PLG: variants seen among roughly 807,000 people sequenced by gnomAD.
PLG encodes plasminogen, also known as plasmin.
PLG carries 41 observed loss-of-function variants against 104.4 expected under a neutral mutation model. The ratio of observed to expected loss-of-function variants is 0.39; its 90% CI spans 0.31 to 0.51. The LOEUF is 0.51. Ranked by LOEUF, PLG falls within the 20% of genes least tolerant of loss-of-function variation. The pLI is 0.76. For missense variants in PLG, 891 were observed against 1,003.6 expected (o/e 0.89, Z 1.52); for synonymous variants, 337 against 357.1 (o/e 0.94, Z 0.63).
chr6:160,744,899 A>G lies in PLG; in HGVS notation c.2125+3482A>G, dbSNP rs998888921. Among the ~76,000 whole-genome samples, 3 of 152,084 alleles carry G rather than the reference A, an allele frequency of 2.0e-5. No individual in the cohort carries two copies. The highest frequency in any genetic ancestry group is 4.8e-5 in the African/African-American group (2 of 41,410). On this transcript the variant is annotated intron_variant, in intron 17 of 18. Coordinates refer to ENST00000308192, the MANE Select transcript of PLG (RefSeq NM_000301.5). This position sits in a 1 kb window ranked among gnomAD's most constrained non-coding sequence, Gnocchi z 4.5. Reference sequence around the variant, plus strand: ...AAAGAACTTCCTGATTTCTGCCATAATTTCATTATTCACCCAAAAGTCATT... The same window carrying G: ...AAAGAACTTCCTGATTTCTGCCATAGTTTCATTATTCACCCAAAAGTCATT...
At chr6:160,715,048 C>T in intron 6 of PLG, 134 bp downstream of exon 6, 1 of 874,722 alleles carries the variant, frequency 1.1e-6, no homozygotes, top group Non-Finnish European at 1.8e-6. Flanking sequence ...AAGCTAACCT[C>T]CTCCCACAAT....
chr6:160,750,581 A>C (rs919465105), intron 17 of PLG, among the ~76,000 whole-genome samples: 4 of 152,208 alleles, frequency 2.6e-5, no homozygotes, highest in African/African-American at 7.2e-5. Context: ...AGTCAAGAGG[A>C]GCTTCCTCCC....
intron 9 of PLG, 56 bp from the exon 10 acceptor site, chr6:160,722,352 C>T: frequency 7.4e-7 from 1 of 1,360,064 alleles, no homozygotes; most frequent in African/African-American, 1.4e-5. Context: ...TAAATTGCTT[C>T]ATGCTTCTTT....
In PLG at chr6:160,713,132, A is replaced by G. The variant is rs375717096; in HGVS notation, c.547+7A>G. On this transcript the variant is annotated splice_region_variant and intron_variant, in intron 5 of 18. Transcript: ENST00000308192. The stretch of plus-strand genomic sequence containing the variant: ...GACATTCTTGAGTGTGAAGGTCAGG[A>G]GTGGTTCTAGAAAATGTTTTCATTT... 31 of 1,607,266 alleles carry G rather than the reference A, an allele frequency of 1.9e-5. No individual in the cohort carries two copies. Among genetic ancestry groups the G allele is most frequent in the Non-Finnish European group, 2.0e-5 (24 of 1,175,640 alleles).
chr6:160,714,270 A>T (rs1777694328), intron 5 of PLG, among the ~76,000 whole-genome samples: 1 of 152,248 alleles, frequency 6.6e-6, no homozygotes, highest in African/African-American at 2.4e-5. Context: ...CTGTCACTTC[A>T]GGTGAATATT....
rs187881636 is a variant in PLG, at chr6:160,738,745, G to C, written c.1877+133G>C. 2.3e-5 allele frequency: 17 copies of C among 748,880 alleles called. No homozygotes were observed. The East Asian group carries it at 4.3e-4, about 19-fold the overall frequency. 46.4% of individuals were successfully genotyped at this position (748,880 alleles called of 1,614,324 possible). Reference sequence around the variant, plus strand: ...GGCTGTGACACTAGGGACCAGGCCAGGGCAATTGGATAAGAGAGAAGGGAA... The same window carrying C: ...GGCTGTGACACTAGGGACCAGGCCACGGCAATTGGATAAGAGAGAAGGGAA... On this transcript the variant is annotated intron_variant, in intron 15 of 18. Transcript: ENST00000308192. The surrounding 1 kb of genome is among the most constrained non-coding windows in gnomAD (Gnocchi z 6.8).
intron 17 of PLG, among the ~76,000 whole-genome samples, chr6:160,745,065 A>G (rs1046803665): frequency 6.6e-6 from 1 of 152,092 alleles, no homozygotes; most frequent in African/African-American, 2.4e-5. Context: ...AGATTGTTTT[A>G]TGTCCAATTA....
Position 160,753,048 on chromosome 6 carries a change from T to A in PLG, c.2420T>A (p.Met807Lys), listed in dbSNP as rs773525076. 7.6e-6 allele frequency: 12 copies of A among 1,581,712 alleles called. No individual in the cohort carries two copies. In the East Asian group the frequency reaches 2.7e-4, roughly 35 times the overall value. The change falls in exon 19 of 19, where the codon ATG becomes AAG. Residue 807 changes from methionine (M) to lysine (K), a missense_variant. Transcript: ENST00000308192. This position sits in a 1 kb window ranked among gnomAD's most constrained non-coding sequence, Gnocchi z 5.4. The part of the protein sequence containing the change: ...SRFVTWIEGV[M>K]RNN ...TTTGTTACTTGGATTGAGGGAGTGA[T>A]GAGAAATAATTAATTGGACGGGAGA...
chr6:160,738,561 G>T lies in PLG; in HGVS notation c.1826G>T (p.Gly609Val). Residue 609 changes from glycine to valine, a missense_variant, in exon 15 of 19, where the codon GGC becomes GTC. Physicochemically the swap from Gly to Val is moderately radical, Grantham distance 109. Around this residue, in one of 2 missense-constraint regions of PLG, gnomAD observed 854 missense variants for 932.1 expected, o/e 0.92. Coordinates refer to ENST00000308192, the MANE Select transcript of PLG (RefSeq NM_000301.5). The surrounding 1 kb of genome is among the most constrained non-coding windows in gnomAD (Gnocchi z 6.8). ...RTRFGMHFCG[G>V]TLISPEWVLT... Reference sequence around the variant, plus strand: ...AGGTTTGGAATGCACTTCTGTGGAGGCACCTTGATATCCCCAGAGTGGGTG... The same window carrying T: ...AGGTTTGGAATGCACTTCTGTGGAGTCACCTTGATATCCCCAGAGTGGGTG... The T allele has an allele frequency of 6.2e-7, 1 of 1,610,728 alleles. No homozygotes were observed. The highest frequency in any genetic ancestry group is 8.5e-7 in the Non-Finnish European group (1 of 1,176,870).
chr6:160,734,044 C>A lies in PLG; in HGVS notation c.1637C>A (p.Thr546Lys). 1.9e-6 allele frequency: 3 copies of A among 1,611,948 alleles called. No individual in the cohort carries two copies. Among genetic ancestry groups the A allele is most frequent in the Non-Finnish European group, 2.5e-6 (3 of 1,178,208 alleles). ...GTAGGTGGTCCCTGGTGCTACACGACAAATCCAAGAAAACTTTACGACTAC... is the reference window on the plus strand; with the variant it reads ...GTAGGTGGTCCCTGGTGCTACACGAAAAATCCAAGAAAACTTTACGACTAC... ...GDVGGPWCYT[T>K]NPRKLYDYCD... Residue 546 changes from threonine to lysine, a missense_variant, in exon 13 of 19, where the codon ACA becomes AAA. Thr to Lys is a moderately conservative substitution (Grantham distance 78, BLOSUM62 -1). This residue lies in a region of PLG where 854 missense variants were observed against 932.1 expected (regional missense o/e 0.92). Transcript: ENST00000308192. The surrounding 1 kb of genome is among the most constrained non-coding windows in gnomAD (Gnocchi z 4.4).
rs1777872403 is a variant in PLG at position 160,723,174 on chromosome 6, A to ATG, written c.1256+609_1256+610dup. On this transcript the variant is annotated intron_variant, in intron 10 of 18. Transcript: ENST00000308192. The surrounding 1 kb of genome is among the most constrained non-coding windows in gnomAD (Gnocchi z 4.7). ...ATATTAGAATATATATAACATAAAT[A>ATG]TGTATATATATATATTCTGACCTGT... Among the ~76,000 whole-genome samples the ATG allele has an allele frequency of 7.2e-6, 1 of 139,512 alleles. No individual in the cohort carries two copies. The highest frequency in any genetic ancestry group is 3.2e-5 in the African/African-American group (1 of 30,910). The allele number at this position is 139,512 out of a possible 152,430, so 91.5% of individuals were successfully genotyped here. A position where few individuals can be genotyped will look rare whatever the true frequency, so the allele number is the denominator to read the frequency against.
chr6:160,717,214 G>T (rs1777747988), intron 7 of PLG, among the ~76,000 whole-genome samples: 2 of 152,134 alleles, frequency 1.3e-5, no homozygotes, highest in African/African-American at 4.8e-5. Context: ...GTGAGTGGTG[G>T]GGGTGGGGAA....
chr6:160,725,635 T>C lies in PLG; in HGVS notation c.1256+3068T>C, dbSNP rs1283566445. Among the ~76,000 whole-genome samples the C allele has an allele frequency of 6.6e-6, 1 of 152,094 alleles. No individual in the cohort carries two copies. Among genetic ancestry groups the C allele is most frequent in the African/African-American group, 2.4e-5 (1 of 41,416 alleles). Reference sequence around the variant, plus strand: ...AATATACTCCTAAGCATATTAAATATAAAGGGATTAAACATTGCACAGAAA... The same window carrying C: ...AATATACTCCTAAGCATATTAAATACAAAGGGATTAAACATTGCACAGAAA... On this transcript the variant is annotated intron_variant, in intron 10 of 18. Transcript: ENST00000308192. This position sits in a 1 kb window ranked among gnomAD's most constrained non-coding sequence, Gnocchi z 6.3.
intron 17 of PLG, among the ~76,000 whole-genome samples, chr6:160,748,362 A>AAGAAAGAAAGAAAGAAAGAAAGAGAGAG (rs1778318789): frequency 1.1e-4 from 4 of 37,076 alleles, no homozygotes; most frequent in Non-Finnish European, 1.6e-4. Flanking sequence ...GAAAGAAAGA[A>AAGAAAGAAAGAAAGAAAGAAAGAGAGAG]AGAAAGAAAG....
chr6:160,752,314 C>T lies in PLG; in HGVS notation c.2271+54C>T, dbSNP rs1778417526. ...GTCTTGTGCTCTCTTGTCTCAGTCTCAGCCCCTCAGACTTCATTCCCCAGG... is the reference window on the plus strand; with the variant it reads ...GTCTTGTGCTCTCTTGTCTCAGTCTTAGCCCCTCAGACTTCATTCCCCAGG... On this transcript the variant is annotated intron_variant, in intron 18 of 18. Transcript: ENST00000308192. The surrounding 1 kb of genome is among the most constrained non-coding windows in gnomAD (Gnocchi z 4.7). The T allele has an allele frequency of 2.0e-6, 3 of 1,524,320 alleles. No individual in the cohort carries two copies. The African/African-American group carries it at 4.1e-5, about 21-fold the overall frequency. The allele number at this position is 1,524,320 out of a possible 1,614,324, so 94.4% of individuals were successfully genotyped here.
chr6:160,743,583 C>T (rs1360941982), intron 17 of PLG, among the ~76,000 whole-genome samples: 1 of 152,078 alleles, frequency 6.6e-6, no homozygotes, highest in Non-Finnish European at 1.5e-5. Flanking sequence ...GTTTTCTAGA[C>T]ATAGAGTCAT....
chr6:160,726,451 A>C lies in PLG; in HGVS notation c.1256+3884A>C, dbSNP rs1777923529. 6.6e-6 allele frequency among the ~76,000 whole-genome samples: 1 copy of C among 152,078 alleles called. No homozygotes were observed. The highest frequency in any genetic ancestry group is 1.5e-5 in the Non-Finnish European group (1 of 67,924). On this transcript the variant is annotated intron_variant, in intron 10 of 18. Coordinates refer to ENST00000308192, the MANE Select transcript of PLG (RefSeq NM_000301.5). This position sits in a 1 kb window ranked among gnomAD's most constrained non-coding sequence, Gnocchi z 4.4. ...ATGTTTTTAGGGTTTTATAACTTTA[A>C]ATGCTTTCAGTAGAAAATAGAAACA... is the stretch of plus-strand genomic sequence containing the variant.
Position 160,725,398 on chromosome 6 carries a change from A to G in PLG, c.1256+2831A>G, listed in dbSNP as rs1777907086. Among the ~76,000 whole-genome samples the G allele has an allele frequency of 6.6e-6, 1 of 152,198 alleles. No individual in the cohort carries two copies. ...TCTTGCATTATCCATGAAGTTATAT[A>G]ATACACATGGTTGAAGGTGGTAAGT... On this transcript the variant is annotated intron_variant, in intron 10 of 18. Transcript: ENST00000308192. This position sits in a 1 kb window ranked among gnomAD's most constrained non-coding sequence, Gnocchi z 6.3.
chr6:160,718,379 G>T lies in PLG; in HGVS notation c.873G>T (p.Val291=), dbSNP rs1428540837. ...ATCGCGGGAATGTGGCTGTTACCGT[G>T]TCCGGGCACACCTGTCAGCACTGGA... ...ENYRGNVAVT[V]SGHTCQHWSA... Residue 291 remains valine (V), a synonymous_variant, in exon 8 of 19, where the codon GTG becomes GTT. Transcript: ENST00000308192. 1 of 1,613,642 alleles carries T rather than the reference G, an allele frequency of 6.2e-7. No homozygotes were observed. Among genetic ancestry groups the T allele is most frequent in the Non-Finnish European group, 8.5e-7 (1 of 1,179,516 alleles).
Sources: gnomAD v4.1 joint callset for allele counts (sites outside exome capture counted in the v4.1 genomes callset) on GRCh38, gnomAD v4.1.1 for gene constraint, gnomAD v4.1.1 regional missense constraint, Gnocchi (gnomAD v3.1) non-coding constraint, MANE v1.5 for transcripts, NCBI Gene and HGNC (gene_info 2026-07-23, HGNC 2026-07-21) for gene names.